The following FMNL2 variants were observed in gnomAD, a reference collection of about 807,000 sequenced individuals.
FMNL2 encodes formin-like protein 2.
Under a neutral mutation model 130.2 loss-of-function variants are expected in FMNL2, and 51 were observed. That is an observed-to-expected ratio of 0.39 (90% confidence interval 0.31 to 0.49). The LOEUF is 0.49. Ranked by LOEUF, FMNL2 falls within the 20% of genes least tolerant of loss-of-function variation. The probability of loss-of-function intolerance (pLI) is 0.85; values close to 1 mark genes in which losing one functional copy is unlikely to be tolerated. For missense variants in FMNL2, 977 were observed against 1,316.2 expected (o/e 0.74, Z 3.99); for synonymous variants, 465 against 467.1 (o/e 1.00, Z 0.06).
chr2:152,368,478 T>A (rs986727145), intron 1 of FMNL2, among the ~76,000 whole-genome samples: 1 of 151,698 alleles, frequency 6.6e-6, no homozygotes, highest in Non-Finnish European at 1.5e-5. Context: ...TTTTTTTTTT[T>A]AAGCAGTAAA....
intron 9 of FMNL2, among the ~76,000 whole-genome samples, chr2:152,607,017 T>G (rs12613902): frequency 0.014 from 1,132 of 78,712 alleles, 7 homozygotes; most frequent in African/African-American, 0.041. Flanking sequence ...TTTTTTTTTT[T>G]TTTTTTTACC....
intron 1 of FMNL2, among the ~76,000 whole-genome samples, chr2:152,403,792 G>A (rs934810114): frequency 2.0e-5 from 3 of 152,290 alleles, no homozygotes; most frequent in Non-Finnish European, 2.9e-5. Flanking sequence ...ATGTAGGGCC[G>A]GGCACAGTGG....
At chr2:152,519,777 G>A (rs1692980540) in intron 1 of FMNL2, among the ~76,000 whole-genome samples, 1 of 152,196 alleles carries the variant, frequency 6.6e-6, no homozygotes, top group African/African-American at 2.4e-5. Context: ...CATATGCAAA[G>A]TGTTGAATGG....
At chr2:152,419,825 A>G (rs1558847656) in intron 1 of FMNL2, among the ~76,000 whole-genome samples, 1 of 152,074 alleles carries the variant, frequency 6.6e-6, no homozygotes, top group Admixed American at 6.6e-5. Context: ...GAGCTTTATC[A>G]GGGAATACAC....
intron 1 of FMNL2, among the ~76,000 whole-genome samples, chr2:152,351,317 A>G (rs1240366735): frequency 6.6e-6 from 1 of 152,136 alleles, no homozygotes; most frequent in Non-Finnish European, 1.5e-5. Flanking sequence ...AGCCCTGCAT[A>G]CGTTAGGTAT....
At chr2:152,517,517 A>G (rs1229524331) in intron 1 of FMNL2, among the ~76,000 whole-genome samples, 1 of 152,210 alleles carries the variant, frequency 6.6e-6, no homozygotes, top group Non-Finnish European at 1.5e-5. Flanking sequence ...AGACATGTAA[A>G]CAGTGCTGTT....
Position 152,488,031 on chromosome 2 carries a change from C to T in FMNL2, c.118-33912C>T, listed in dbSNP as rs535110178. Reference sequence around the variant, plus strand: ...CTGACCTCAAGTGATACGCCCACCTCGGCCTCTCAAAGTGCTGGGATTACA... The same window carrying T: ...CTGACCTCAAGTGATACGCCCACCTTGGCCTCTCAAAGTGCTGGGATTACA... On this transcript the variant is annotated intron_variant, in intron 1 of 25. Transcript: ENST00000288670. Among the ~76,000 whole-genome samples, 10 of 152,228 alleles carry T rather than the reference C, an allele frequency of 6.6e-5. No homozygotes were observed. The South Asian group carries it at 1.0e-3, about 16-fold the overall frequency.
At position 152,542,771 on chromosome 2, in the gene FMNL2, A is replaced by G. The variant is rs773552127; in HGVS notation, c.234A>G (p.Thr78=). 6 of 1,614,064 alleles carry G rather than the reference A, an allele frequency of 3.7e-6. No individual in the cohort carries two copies. In the South Asian group the frequency reaches 5.5e-5, roughly 15 times the overall value. Residue 78 remains threonine, a synonymous_variant, in exon 3 of 26, where the codon ACA becomes ACG. Transcript: ENST00000288670. ...TCCAGGTGAAGAATCCTCCCCATAC[A>G]TACATTCAAAAGCTCAAAGGCTATC... ...ERFQVKNPPH[T]YIQKLKGYLD... is the part of the protein sequence containing the mutation.
At chr2:152,514,765 T>C (rs1055783077) in intron 1 of FMNL2, among the ~76,000 whole-genome samples, 4 of 152,202 alleles carry the variant, frequency 2.6e-5, no homozygotes, top group Non-Finnish European at 1.5e-5. Flanking sequence ...GTTCTCTCTC[T>C]CTCTCACAAA....
intron 4 of FMNL2, among the ~76,000 whole-genome samples, chr2:152,550,290 G>A (rs549487901): frequency 2.0e-5 from 3 of 152,308 alleles, no homozygotes; most frequent in South Asian, 4.1e-4. Context: ...GATAGGTGAT[G>A]GAACTTGGGT....
intron 9 of FMNL2, among the ~76,000 whole-genome samples, chr2:152,592,995 A>G (rs1426286984): frequency 6.6e-6 from 1 of 152,054 alleles, no homozygotes; most frequent in Admixed American, 6.6e-5. Flanking sequence ...CCAGTGGGAG[A>G]AGTGGGTAGG....
intron 1 of FMNL2, among the ~76,000 whole-genome samples, chr2:152,420,962 G>A (rs966684766): frequency 3.9e-5 from 6 of 152,304 alleles, no homozygotes; most frequent in East Asian, 3.9e-4. Context: ...GATGTCTGGC[G>A]TTGGTTGCTT....
Position 152,611,591 on chromosome 2 carries a change from G to A in FMNL2, c.1048G>A (p.Asp350Asn). Residue 350 changes from aspartate (D) to asparagine (N), a missense_variant, in exon 11 of 26, where the codon GAC becomes AAC. Physicochemically the swap from Asp to Asn is conservative, Grantham distance 23. Coordinates refer to ENST00000288670, the MANE Select transcript of FMNL2 (RefSeq NM_052905.4). The stretch of plus-strand genomic sequence containing the variant: ...GTATGAATTTACCAAATTAGGCCTG[G>A]ACGAATACTTGGACGTGAGTATAGC... The part of the protein sequence containing the change: ...LQYEFTKLGL[D>N]EYLDKLKHTE... 1.3e-6 allele frequency: 2 copies of A among 1,597,038 alleles called. No homozygotes were observed. The highest frequency in any genetic ancestry group is 1.7e-6 in the Non-Finnish European group (2 of 1,168,800).
At chr2:152,377,933 A>G (rs1166856872) in intron 1 of FMNL2, among the ~76,000 whole-genome samples, 1 of 151,824 alleles carries the variant, frequency 6.6e-6, no homozygotes, top group African/African-American at 2.4e-5. Flanking sequence ...GAAGTTCAAG[A>G]CCACCCTGCC....
intron 1 of FMNL2, among the ~76,000 whole-genome samples, chr2:152,355,827 T>C (rs1029989770): frequency 1.3e-5 from 2 of 152,222 alleles, no homozygotes; most frequent in African/African-American, 4.8e-5. Flanking sequence ...TGAGTGGTAG[T>C]TCTAATGGAC....
chr2:152,418,289 GT>G (rs1686722883), intron 1 of FMNL2, among the ~76,000 whole-genome samples: 1 of 145,116 alleles, frequency 6.9e-6, no homozygotes, highest in Non-Finnish European at 1.5e-5. Context: ...ATTTTTTGCT[GT>G]GGTAAAACGT....
At chr2:152,504,488 G>T (rs890814120) in intron 1 of FMNL2, among the ~76,000 whole-genome samples, 1 of 151,660 alleles carries the variant, frequency 6.6e-6, no homozygotes, top group Non-Finnish European at 1.5e-5. Context: ...TTCGTGATCC[G>T]CCTGCTTCGG....
chr2:152,554,406 C>CA (rs1695098898), intron 4 of FMNL2, among the ~76,000 whole-genome samples: 1 of 152,102 alleles, frequency 6.6e-6, no homozygotes. Flanking sequence ...GACCCTGTCT[C>CA]AAAAAATCCT....
chr2:152,569,810 A>G (rs141750091), intron 6 of FMNL2, among the ~76,000 whole-genome samples: 362 of 152,016 alleles, frequency 2.4e-3, no homozygotes, highest in African/African-American at 8.3e-3. Context: ...GGAGTTCGAG[A>G]CCAGCCTGGC....
Sources: allele counts gnomAD v4.1 joint callset (sites outside exome capture counted in the v4.1 genomes callset), GRCh38; gene constraint gnomAD v4.1.1; transcripts MANE v1.5; gene names NCBI Gene and HGNC (gene_info 2026-07-23, HGNC 2026-07-21).